The following CPNE4 variants were observed in gnomAD, a reference collection of about 807,000 sequenced individuals.
The protein encoded by CPNE4 is copine-4.
In CPNE4, 25 loss-of-function variants were observed where a neutral mutation model predicts 67.9. The observed-to-expected ratio is 0.37, with a 90% CI of 0.27 to 0.51. CPNE4 has a LOEUF of 0.51. Ranked by LOEUF, CPNE4 falls within the 20% of genes least tolerant of loss-of-function variation. The pLI, the probability that CPNE4 is intolerant of heterozygous loss-of-function variation, is 0.93. For missense variants in CPNE4, 464 were observed against 690.8 expected (o/e 0.67, Z 3.68); for synonymous variants, 242 against 244.9 (o/e 0.99, Z 0.11).
At chr3:131,683,691 G>T (rs569846021) in intron 6 of CPNE4, among the ~76,000 whole-genome samples, 59 of 152,190 alleles carry the variant, frequency 3.9e-4, no homozygotes, top group African/African-American at 1.4e-3. Flanking sequence ...TACCCTCATA[G>T]CCCACTGGCT....
intron 9 of CPNE4, among the ~76,000 whole-genome samples, chr3:131,577,287 A>T (rs1937574648): frequency 6.6e-6 from 1 of 151,458 alleles, no homozygotes; most frequent in Non-Finnish European, 1.5e-5. Context: ...ACACACACAT[A>T]AACACACACA....
At chr3:131,696,806 A>G (rs931829149) in intron 4 of CPNE4, among the ~76,000 whole-genome samples, 190 bp from the exon 5 acceptor site, 4 of 152,206 alleles carry the variant, frequency 2.6e-5, no homozygotes, top group Admixed American at 6.5e-5. Context: ...GGAATAGACA[A>G]TGGTAAATAA....
intron 4 of CPNE4, among the ~76,000 whole-genome samples, chr3:131,698,233 CA>C (rs369274504): frequency 0.29 from 18,644 of 64,008 alleles, 1,411 homozygotes; most frequent in Middle Eastern, 0.46. Flanking sequence ...GGCTCTGTCT[CA>C]AAAAAAAAAA....
Position 131,696,569 on chromosome 3 carries a change from T to C in CPNE4, c.480A>G (p.Ala160=). 2 of 1,614,070 alleles carry C rather than the reference T, an allele frequency of 1.2e-6. No homozygotes were observed. Among genetic ancestry groups the C allele is most frequent in the Non-Finnish European group, 1.7e-6 (2 of 1,179,938 alleles). Residue 160 remains alanine (A), a synonymous_variant, in exon 5 of 16, where the codon GCA becomes GCG. Coordinates refer to ENST00000429747, the MANE Select transcript of CPNE4 (RefSeq NM_130808.3). ...LSGNDDYVEL[A]FNARKLDDKD... is the part of the protein sequence containing the mutation. ...TGTCATCCAATTTCCGTGCATTGAATGCAAGCTCAACATAGTCGTCATTGC... is the reference window on the plus strand; with the variant it reads ...TGTCATCCAATTTCCGTGCATTGAACGCAAGCTCAACATAGTCGTCATTGC...
At chr3:131,723,231 A>G (rs532652136) in intron 3 of CPNE4, among the ~76,000 whole-genome samples, 1 of 152,346 alleles carries the variant, frequency 6.6e-6, no homozygotes, top group East Asian at 1.9e-4. Context: ...GAAAGTTCTG[A>G]ATTTTTCAAA....
intron 2 of CPNE4, among the ~76,000 whole-genome samples, chr3:131,744,019 A>G (rs187813275): frequency 9.4e-5 from 14 of 149,674 alleles, no homozygotes; most frequent in African/African-American, 3.2e-4. Flanking sequence ...CAGTAATTAG[A>G]CAAAAATTTC....
At chr3:131,677,278 A>G (rs1036551386) in intron 6 of CPNE4, among the ~76,000 whole-genome samples, 2 of 150,722 alleles carry the variant, frequency 1.3e-5, no homozygotes, top group African/African-American at 4.9e-5. Context: ...CCACTTTTTA[A>G]TGAGTTTTTT....
intron 2 of CPNE4, among the ~76,000 whole-genome samples, chr3:131,885,611 T>C (rs1314194376): frequency 2.0e-5 from 3 of 152,102 alleles, no homozygotes; most frequent in African/African-American, 4.8e-5. Flanking sequence ...TACATACGTA[T>C]ACATTTGCCA....
chr3:131,903,421 A>AG (rs2088624709), intron 2 of CPNE4, among the ~76,000 whole-genome samples: 1 of 150,598 alleles, frequency 6.6e-6, no homozygotes, highest in Non-Finnish European at 1.5e-5. Context: ...GAAAAAAAAA[A>AG]CAGACAAACT....
chr3:131,865,376 T>A (rs1421684558), intron 2 of CPNE4, among the ~76,000 whole-genome samples: 2 of 151,598 alleles, frequency 1.3e-5, no homozygotes, highest in Non-Finnish European at 2.9e-5. Context: ...ATATTTGTAA[T>A]GCATATTAGT....
chr3:131,930,423 A>G (rs1334799420), intron 1 of CPNE4, among the ~76,000 whole-genome samples: 1 of 149,468 alleles, frequency 6.7e-6, no homozygotes, highest in Non-Finnish European at 1.5e-5. Flanking sequence ...CTTTCTTCCA[A>G]TCTTCTAGTT....
chr3:131,999,241 T>A (rs1261498187), intron 1 of CPNE4, among the ~76,000 whole-genome samples: 74 of 98,798 alleles, frequency 7.5e-4, no homozygotes, highest in African/African-American at 1.4e-3. Flanking sequence ...TTATCCAAGG[T>A]AAAAAAAAAA....
intron 1 of CPNE4, among the ~76,000 whole-genome samples, chr3:131,994,157 T>G (rs1473160818): frequency 7.3e-6 from 1 of 136,370 alleles, no homozygotes; most frequent in Non-Finnish European, 1.7e-5. Context: ...TGTACAAGAT[T>G]CATATGCTGT....
At chr3:131,849,491 G>C (rs1350649867) in intron 2 of CPNE4, among the ~76,000 whole-genome samples, 4 of 151,902 alleles carry the variant, frequency 2.6e-5, no homozygotes, top group Admixed American at 2.6e-4. Context: ...AGATCTAATG[G>C]GAACTCACTC....
At chr3:131,756,431 A>G (rs894066011) in intron 2 of CPNE4, among the ~76,000 whole-genome samples, 3 of 152,232 alleles carry the variant, frequency 2.0e-5, no homozygotes, top group South Asian at 2.1e-4. Flanking sequence ...TGAAAATACC[A>G]TTATAGGGCA....
At chr3:131,972,667 G>A (rs1175793476) in intron 1 of CPNE4, among the ~76,000 whole-genome samples, 2 of 152,112 alleles carry the variant, frequency 1.3e-5, no homozygotes, top group Non-Finnish European at 2.9e-5. Flanking sequence ...AAGGCCATAT[G>A]GTACAGAGCT....
chr3:132,022,203 G>C (rs1249409402), intron 1 of CPNE4, among the ~76,000 whole-genome samples: 1 of 152,180 alleles, frequency 6.6e-6, no homozygotes, highest in Non-Finnish European at 1.5e-5. Flanking sequence ...AGGTAAGTAA[G>C]GAACAAGGAG....
intron 3 of CPNE4, among the ~76,000 whole-genome samples, chr3:131,717,991 C>G (rs1027759662): frequency 6.7e-6 from 1 of 149,608 alleles, no homozygotes; most frequent in Non-Finnish European, 1.5e-5. Context: ...CTCTCTCTCT[C>G]TCTGTCTCTC....
intron 7 of CPNE4, among the ~76,000 whole-genome samples, chr3:131,620,090 TC>T (rs1283485466): frequency 2.0e-5 from 3 of 152,172 alleles, no homozygotes; most frequent in Admixed American, 6.5e-5. Flanking sequence ...GGTGTGAGCA[TC>T]CCAGGAGAGT....
Sources: allele counts gnomAD v4.1 joint callset (sites outside exome capture counted in the v4.1 genomes callset), GRCh38; gene constraint gnomAD v4.1.1; transcripts MANE v1.5; gene names NCBI Gene and HGNC (gene_info 2026-07-23, HGNC 2026-07-21).